The following AFDN variants were observed in gnomAD, a reference collection of about 807,000 sequenced individuals.
The protein encoded by AFDN is afadin, adherens junction formation factor.
In AFDN, 68 loss-of-function variants were observed where a neutral mutation model predicts 216.6. The observed-to-expected ratio is 0.31, with a 90% confidence interval of 0.26 to 0.38. The LOEUF (loss-of-function observed/expected upper bound fraction) is 0.38. Among genes scored for constraint, AFDN ranks in the 10% least tolerant of loss-of-function variants. The pLI is 1.00. For synonymous variants in AFDN, 868 were observed against 853.7 expected, an observed-to-expected ratio of 1.02 and a Z score of -0.29; for missense variants, 2,136 against 2,342.0, an observed-to-expected ratio of 0.91 and a Z score of 1.82.
chr6:167,955,303 C>CA (rs200674377), intron 30 of AFDN, among the ~76,000 whole-genome samples: 8 of 152,140 alleles, frequency 5.3e-5, no homozygotes, highest in African/African-American at 1.4e-4. Context: ...TTCCTTCCCC[C>CA]CTCAGTTTAG....
chr6:167,868,762 CTT>C (rs35300672), intron 2 of AFDN, among the ~76,000 whole-genome samples: 10 of 122,542 alleles, frequency 8.2e-5, no homozygotes, highest in Admixed American at 1.8e-4. Context: ...ATTGTGCAAT[CTT>C]TTTTTTTTTT....
intron 30 of AFDN, among the ~76,000 whole-genome samples, chr6:167,960,292 T>C (rs989859459): frequency 6.6e-6 from 1 of 152,242 alleles, no homozygotes; most frequent in South Asian, 2.1e-4. Context: ...TAGTAACTGA[T>C]GAGCTGAACA....
intron 1 of AFDN, among the ~76,000 whole-genome samples, chr6:167,859,071 G>GTTTTTTTTTT (rs933336720): frequency 9.2e-6 from 1 of 109,028 alleles, no homozygotes; most frequent in African/African-American, 3.3e-5. Flanking sequence ...GGCCGTTCTT[G>GTTTTTTTTTT]TTTTTTTTTT....
At chr6:167,916,002 G>A (rs1791010751) in intron 19 of AFDN, among the ~76,000 whole-genome samples, 1 of 152,200 alleles carries the variant, frequency 6.6e-6, no homozygotes, top group African/African-American at 2.4e-5. Context: ...CTGAACCTGT[G>A]TCAAAAACTG....
intron 30 of AFDN, among the ~76,000 whole-genome samples, chr6:167,961,220 T>C (rs1051897612): frequency 6.6e-6 from 1 of 152,222 alleles, no homozygotes; most frequent in African/African-American, 2.4e-5. Flanking sequence ...GGTTAGAGAT[T>C]GAACTAGATG....
At chr6:167,866,061 C>G (rs1277052283) in intron 2 of AFDN, among the ~76,000 whole-genome samples, 3 of 152,010 alleles carry the variant, frequency 2.0e-5, no homozygotes, top group Non-Finnish European at 4.4e-5. Context: ...TTTCCTTTAC[C>G]TTAGAATTTT....
chr6:167,834,666 C>T (rs1780222003), intron 1 of AFDN, among the ~76,000 whole-genome samples: 1 of 151,810 alleles, frequency 6.6e-6, no homozygotes, highest in Admixed American at 6.6e-5. Flanking sequence ...TTCTGCTGTC[C>T]TCCTTTGGAA....
At chr6:167,877,456 T>C (rs140535258) in intron 5 of AFDN, among the ~76,000 whole-genome samples, 3,358 of 152,228 alleles carry the variant, frequency 0.022, 59 homozygotes, top group Non-Finnish European at 0.033. Flanking sequence ...CAGGAAAAGC[T>C]GCAAAGAATT....
chr6:167,832,930 G>GA (rs1779985480), intron 1 of AFDN, among the ~76,000 whole-genome samples: 1 of 152,182 alleles, frequency 6.6e-6, no homozygotes, highest in Non-Finnish European at 1.5e-5. Context: ...TGGCTATGTG[G>GA]AACCCTGTGA....
intron 1 of AFDN, among the ~76,000 whole-genome samples, chr6:167,849,638 TTAG>T (rs1367041558): frequency 6.6e-6 from 1 of 152,224 alleles, no homozygotes; most frequent in Non-Finnish European, 1.5e-5. Flanking sequence ...AATGTACTTT[TTAG>T]AAATCTATAT....
chr6:167,931,691 A>G (rs1793322277), intron 23 of AFDN, among the ~76,000 whole-genome samples: 2 of 152,136 alleles, frequency 1.3e-5, no homozygotes, highest in Non-Finnish European at 2.9e-5. Flanking sequence ...GTTGATAGGT[A>G]TGTGGGTCTG....
At chr6:167,856,625 G>A (rs1001650665) in intron 1 of AFDN, among the ~76,000 whole-genome samples, 2 of 152,078 alleles carry the variant, frequency 1.3e-5, no homozygotes, top group Admixed American at 1.3e-4. Flanking sequence ...GTAACATACT[G>A]ATGAAATATG....
At chr6:167,871,036 G>A (rs535829240) in intron 3 of AFDN, among the ~76,000 whole-genome samples, 4 of 152,232 alleles carry the variant, frequency 2.6e-5, no homozygotes, top group Non-Finnish European at 5.9e-5. Context: ...TCTTACACAA[G>A]AATTCATTAT....
chr6:167,956,634 A>G (rs898367262), intron 30 of AFDN, among the ~76,000 whole-genome samples: 6 of 152,188 alleles, frequency 3.9e-5, no homozygotes, highest in African/African-American at 1.2e-4. Context: ...GCATGCTCAA[A>G]GTGAAATCTT....
In AFDN at chr6:167,965,889, CCCCCGT is replaced by C; in HGVS notation, c.5112_5117del (p.Ser1705_Pro1706del). 4 of 1,548,820 alleles carry C rather than the reference CCCCCGT, an allele frequency of 2.6e-6. No individual in the cohort carries two copies. The highest frequency in any genetic ancestry group is 3.5e-6 in the Non-Finnish European group (4 of 1,146,480). On this transcript the variant is annotated inframe_deletion, in exon 32 of 34. Coordinates refer to ENST00000683244, the MANE Select transcript of AFDN (RefSeq NM_001386888.1). ...CCCTCCGCTTCCCCGGGACTACGAG[CCCCCGT>C]CCCCGTCCCCCGCGCCCGGCGCCCC...
At chr6:167,878,669 G>T (rs1785727765) in intron 5 of AFDN, among the ~76,000 whole-genome samples, 1 of 151,758 alleles carries the variant, frequency 6.6e-6, no homozygotes, top group Non-Finnish European at 1.5e-5. Flanking sequence ...ACTTTAACTA[G>T]AATAATTCAA....
chr6:167,869,013 C>T (rs781055035), intron 2 of AFDN, among the ~76,000 whole-genome samples: 15 of 151,590 alleles, frequency 9.9e-5, no homozygotes, highest in African/African-American at 3.2e-4. Context: ...TGAGCTCGAT[C>T]GATCTATCCA....
At chr6:167,827,485 C>CA (rs1459234127) in intron 1 of AFDN, 1 of 146,034 alleles carries the variant, frequency 6.8e-6, no homozygotes, top group African/African-American at 2.5e-5. Context: ...GCGCGGCAGT[C>CA]ACCTGTTCCC....
chr6:167,962,938 G>A lies in AFDN; in HGVS notation c.4968+371G>A, dbSNP rs988389946. 35 of 1,127,516 alleles carry A rather than the reference G, an allele frequency of 3.1e-5. No homozygotes were observed. In the African/African-American group the frequency reaches 4.9e-4, roughly 16 times the overall value. 69.8% of individuals were successfully genotyped at this position (1,127,516 alleles called of 1,614,324 possible). On this transcript the variant is annotated intron_variant, in intron 31 of 33. Coordinates refer to ENST00000683244, the MANE Select transcript of AFDN (RefSeq NM_001386888.1). This position sits in a 1 kb window ranked among gnomAD's most constrained non-coding sequence, Gnocchi z 5.2. ...TTCAGTGATTGCTTAAATGGCATGT[G>A]GACCGTGGGAAGCAGTAGGAGCGTA...
Sources: gnomAD v4.1 joint callset for allele counts (sites outside exome capture counted in the v4.1 genomes callset) on GRCh38, gnomAD v4.1.1 for gene constraint, Gnocchi (gnomAD v3.1) non-coding constraint, MANE v1.5 for transcripts, NCBI Gene and HGNC (gene_info 2026-07-23, HGNC 2026-07-21) for gene names.